The following SGCG variants were observed in gnomAD, a reference collection of about 807,000 sequenced individuals.
The protein encoded by SGCG is gamma-sarcoglycan.
In SGCG, 26 loss-of-function variants were observed where a neutral mutation model predicts 29.3. The observed-to-expected ratio is 0.89, with a 90% CI of 0.65 to 1.23. The LOEUF (loss-of-function observed/expected upper bound fraction) is 1.23, where lower values mean the gene tolerates loss of function less well. Ranked by LOEUF, SGCG falls within the 50% of genes most tolerant of loss-of-function variation. SGCG has a pLI of 0.00. For missense variants in SGCG, 353 were observed against 356.0 expected (o/e 0.99, Z 0.07); for synonymous variants, 145 against 129.7 (o/e 1.12, Z -0.80).
intron 1 of SGCG, among the ~76,000 whole-genome samples, chr13:23,191,961 G>A (rs1398791212): frequency 6.6e-6 from 1 of 152,060 alleles, no homozygotes; most frequent in Non-Finnish European, 1.5e-5. Context: ...GGATCACGAG[G>A]TCAGGAGATC....
intron 5 of SGCG, among the ~76,000 whole-genome samples, chr13:23,288,157 C>T (rs953193698): frequency 6.6e-6 from 1 of 152,200 alleles, no homozygotes; most frequent in African/African-American, 2.4e-5. Flanking sequence ...AGTGGATTGA[C>T]TCCAGGTAGC....
chr13:23,305,778 G>T (rs539790184), intron 6 of SGCG, among the ~76,000 whole-genome samples: 1 of 152,128 alleles, frequency 6.6e-6, no homozygotes, highest in African/African-American at 2.4e-5. Context: ...TATTAATATG[G>T]GGTATTACAT....
intron 1 of SGCG, among the ~76,000 whole-genome samples, chr13:23,190,676 C>T (rs1286310370): frequency 6.6e-6 from 1 of 152,138 alleles, no homozygotes; most frequent in Non-Finnish European, 1.5e-5. Flanking sequence ...TTATAATTCT[C>T]ATGACATTAA....
At chr13:23,283,142 C>T (rs1881369441) in intron 5 of SGCG, among the ~76,000 whole-genome samples, 1 of 152,068 alleles carries the variant, frequency 6.6e-6, no homozygotes, top group Non-Finnish European at 1.5e-5. Flanking sequence ...TCTGCTTGGT[C>T]CAGAGCTGAG....
At chr13:23,290,498 G>T (rs1354950840) in intron 5 of SGCG, among the ~76,000 whole-genome samples, 3 of 152,180 alleles carry the variant, frequency 2.0e-5, no homozygotes, top group African/African-American at 7.2e-5. Flanking sequence ...GACAGAAATT[G>T]TCATTGGATT....
intron 1 of SGCG, among the ~76,000 whole-genome samples, chr13:23,200,396 C>T (rs1026185406): frequency 6.6e-6 from 1 of 152,272 alleles, no homozygotes; most frequent in African/African-American, 2.4e-5. Flanking sequence ...TGCAGTCCAG[C>T]CTGGCAACAG....
At chr13:23,239,557 T>C (rs1295965692) in intron 3 of SGCG, among the ~76,000 whole-genome samples, 2 of 152,094 alleles carry the variant, frequency 1.3e-5, no homozygotes, top group Non-Finnish European at 2.9e-5. Context: ...ATACCAGAAC[T>C]CATAAGTATG....
At chr13:23,200,761 C>T (rs928953599) in intron 1 of SGCG, among the ~76,000 whole-genome samples, 1 of 152,026 alleles carries the variant, frequency 6.6e-6, no homozygotes, top group Non-Finnish European at 1.5e-5. Flanking sequence ...CGTTGATAAG[C>T]GATCTTTGCA....
chr13:23,182,991 C>G (rs1876804397), intron 1 of SGCG, among the ~76,000 whole-genome samples: 1 of 152,198 alleles, frequency 6.6e-6, no homozygotes, highest in Non-Finnish European at 1.5e-5. Context: ...TTCTTTAACT[C>G]TGTTTTTAAA....
intron 3 of SGCG, among the ~76,000 whole-genome samples, chr13:23,249,052 A>G (rs1035345835): frequency 1.6e-4 from 24 of 152,090 alleles, no homozygotes; most frequent in Non-Finnish European, 3.4e-4. Context: ...TTAGTGAGGT[A>G]AAGAACAGTT....
upstream of SGCG, among the ~76,000 whole-genome samples, chr13:23,180,616 A>G (rs1005287189): frequency 1.2e-4 from 18 of 152,264 alleles, no homozygotes; most frequent in Non-Finnish European, 2.2e-4. Context: ...TATCAACATT[A>G]GTTTCTAATG....
intron 4 of SGCG, among the ~76,000 whole-genome samples, chr13:23,262,552 A>G (rs957087797): frequency 3.3e-5 from 5 of 152,096 alleles, no homozygotes; most frequent in Non-Finnish European, 7.4e-5. Context: ...CAGCAAAACA[A>G]TAACAGTGGA....
intron 6 of SGCG, among the ~76,000 whole-genome samples, chr13:23,314,330 G>A (rs987350890): frequency 2.3e-5 from 3 of 132,540 alleles, no homozygotes; most frequent in Non-Finnish European, 3.1e-5. Flanking sequence ...TTTACTTCCT[G>A]ACTTTGAGAA....
At chr13:23,267,233 G>A (rs569915962) in intron 4 of SGCG, among the ~76,000 whole-genome samples, 1 of 152,342 alleles carries the variant, frequency 6.6e-6, no homozygotes, top group South Asian at 2.1e-4. Flanking sequence ...CCAGGCTGCA[G>A]CTAATTTGTC....
intron 2 of SGCG, among the ~76,000 whole-genome samples, chr13:23,229,805 A>G (rs1879036928): frequency 6.6e-6 from 1 of 152,084 alleles, no homozygotes; most frequent in South Asian, 2.1e-4. Flanking sequence ...TCATTTGTCA[A>G]TTTTGGCTTC....
intron 4 of SGCG, among the ~76,000 whole-genome samples, chr13:23,272,335 T>C: frequency 6.6e-6 from 1 of 152,226 alleles, no homozygotes; most frequent in East Asian, 1.9e-4. Context: ...CCTCAATGCC[T>C]ATTTTCTAGA....
the SGCG span, among the ~76,000 whole-genome samples, chr13:23,173,675 A>T: frequency 3.3e-5 from 5 of 152,242 alleles, no homozygotes; most frequent in African/African-American, 1.2e-4. Context: ...GAAATTTAGG[A>T]ACATTCATGT....
intron 4 of SGCG, among the ~76,000 whole-genome samples, chr13:23,256,445 T>C (rs1398354833): frequency 6.6e-6 from 1 of 152,168 alleles, no homozygotes; most frequent in Non-Finnish European, 1.5e-5. Context: ...TTGTTACGTA[T>C]GTATACATGT....
chr13:23,189,861 C>G (rs376142233), intron 1 of SGCG, among the ~76,000 whole-genome samples: 81 of 152,246 alleles, frequency 5.3e-4, no homozygotes, highest in African/African-American at 1.9e-3. Context: ...ACTCCCCTAC[C>G]CTACTCCTTC....
Sources: gnomAD v4.1 joint callset for allele counts (sites outside exome capture counted in the v4.1 genomes callset) on GRCh38, gnomAD v4.1.1 for gene constraint, MANE v1.5 for transcripts, NCBI Gene and HGNC (gene_info 2026-07-23, HGNC 2026-07-21) for gene names.